PEX5L: variants seen among roughly 807,000 people sequenced by gnomAD.
The protein encoded by PEX5L is PEX5-related protein.
PEX5L carries 30 observed loss-of-function variants against 84.0 expected under a neutral mutation model. The observed-to-expected ratio is 0.36, with a 90% CI of 0.27 to 0.48. PEX5L has a LOEUF of 0.48. PEX5L is among the 20% of genes least tolerant of loss of function. PEX5L has a pLI of 0.99. For missense variants in PEX5L, 533 were observed against 754.6 expected (o/e 0.71, Z 3.44); for synonymous variants, 270 against 283.1 (o/e 0.95, Z 0.46).
intron 1 of PEX5L, among the ~76,000 whole-genome samples, chr3:180,003,364 T>C (rs1300471375): frequency 6.6e-6 from 1 of 151,530 alleles, no homozygotes; most frequent in African/African-American, 2.4e-5. Context: ...GTCTAATTTA[T>C]GTGGGCTCAG....
intron 8 of PEX5L, among the ~76,000 whole-genome samples, chr3:179,834,762 A>G (rs542320021): frequency 1.7e-4 from 26 of 152,336 alleles, no homozygotes; most frequent in African/African-American, 6.0e-4. Context: ...TTATCTTAGA[A>G]TGATTGGAAA....
chr3:179,795,796 T>C lies in PEX5L; in HGVS notation c.*6032A>G, dbSNP rs978283836. The C allele has an allele frequency of 1.3e-5, 2 of 152,212 alleles. No homozygotes were observed. Among genetic ancestry groups the C allele is most frequent in the East Asian group, 3.8e-4 (2 of 5,206 alleles). 9.4% of individuals were successfully genotyped at this position (152,212 alleles called of 1,614,324 possible). A position where few individuals can be genotyped will look rare whatever the true frequency, so the allele number is the denominator to read the frequency against. On this transcript the variant is annotated 3_prime_UTR_variant, in exon 15 of 15. Coordinates refer to ENST00000467460, the MANE Select transcript of PEX5L (RefSeq NM_016559.3). Reference sequence around the variant, plus strand: ...AGATTAGAGATGCAATATTCATAGATATATAAAATATGTAGAAATGTCTTT... The same window carrying C: ...AGATTAGAGATGCAATATTCATAGACATATAAAATATGTAGAAATGTCTTT...
At chr3:179,846,995 A>G (rs190898004) in intron 8 of PEX5L, among the ~76,000 whole-genome samples, 1 of 151,696 alleles carries the variant, frequency 6.6e-6, no homozygotes, top group Admixed American at 6.6e-5. Flanking sequence ...ATGGAGATAT[A>G]TATAGAGATC....
At chr3:179,897,091 A>C (rs62291649) in intron 3 of PEX5L, among the ~76,000 whole-genome samples, 13,504 of 152,164 alleles carry the variant, frequency 0.089, 821 homozygotes, top group Non-Finnish European at 0.14. Context: ...CATAGTATTT[A>C]GAATAAAGTA....
At chr3:179,813,810 G>A (rs1361572682) in intron 10 of PEX5L, among the ~76,000 whole-genome samples, 1 of 151,900 alleles carries the variant, frequency 6.6e-6, no homozygotes, top group Non-Finnish European at 1.5e-5. Context: ...CCGAGTAGCT[G>A]GGACTACAGG....
At chr3:179,893,939 GT>G (rs1045608397) in intron 3 of PEX5L, among the ~76,000 whole-genome samples, 2 of 151,314 alleles carry the variant, frequency 1.3e-5, no homozygotes, top group Non-Finnish European at 2.9e-5. Context: ...TTGTGATATG[GT>G]TTTTTTTGAG....
chr3:179,898,005 T>A, intron 3 of PEX5L, 137 bp downstream of exon 3: 1 of 489,776 alleles, frequency 2.0e-6, no homozygotes, highest in East Asian at 3.1e-5. Flanking sequence ...CATCTATATT[T>A]GTATAATTGT....
At chr3:179,907,215 A>G (rs1259860446) in intron 2 of PEX5L, among the ~76,000 whole-genome samples, 1 of 152,122 alleles carries the variant, frequency 6.6e-6, no homozygotes, top group Non-Finnish European at 1.5e-5. Flanking sequence ...ACCAAATTAA[A>G]AAAAAAAGTC....
chr3:179,812,003 G>A, intron 10 of PEX5L, 132 bp from the exon 11 acceptor site: 1 of 684,070 alleles, frequency 1.5e-6, no homozygotes, highest in African/African-American at 1.8e-5. Context: ...ATATAAAAGG[G>A]AAAAATATTG....
intron 2 of PEX5L, among the ~76,000 whole-genome samples, chr3:179,907,207 C>G (rs1271029434): frequency 6.6e-6 from 1 of 150,534 alleles, no homozygotes; most frequent in East Asian, 1.9e-4. Flanking sequence ...ATATATATAC[C>G]AAATTAAAAA....
At chr3:179,879,005 T>C (rs917132320) in intron 5 of PEX5L, among the ~76,000 whole-genome samples, 1 of 152,254 alleles carries the variant, frequency 6.6e-6, no homozygotes, top group African/African-American at 2.4e-5. Context: ...ATTTAACATG[T>C]ACATATCATA....
intron 13 of PEX5L, 75 bp from the exon 14 acceptor site, chr3:179,807,906 G>C: frequency 1.5e-6 from 2 of 1,364,558 alleles, no homozygotes; most frequent in Non-Finnish European, 2.0e-6. Flanking sequence ...TTTCTCTGCA[G>C]AGAAAGGAAG....
intron 4 of PEX5L, among the ~76,000 whole-genome samples, chr3:179,884,304 G>A (rs916044483): frequency 6.6e-6 from 1 of 152,160 alleles, no homozygotes; most frequent in Non-Finnish European, 1.5e-5. Flanking sequence ...ATCCCTGTGG[G>A]CCCAATGTAA....
At chr3:179,848,930 G>T (rs1740699712) in intron 8 of PEX5L, among the ~76,000 whole-genome samples, 1 of 152,172 alleles carries the variant, frequency 6.6e-6, no homozygotes, top group South Asian at 2.1e-4. Flanking sequence ...TCCCTGCATA[G>T]AATGGAGCAA....
At position 179,797,603 on chromosome 3, in the gene PEX5L, A is replaced by ATATATATATATATAT. The variant is rs1431315600; in HGVS notation, c.*4224_*4225insATATATATATATATA. The ATATATATATATATAT allele has an allele frequency of 9.1e-5, 10 of 109,868 alleles. No individual in the cohort carries two copies. Among genetic ancestry groups the ATATATATATATATAT allele is most frequent in the African/African-American group, 2.8e-4 (8 of 28,436 alleles). 6.8% of individuals were successfully genotyped at this position (109,868 alleles called of 1,614,324 possible). On this transcript the variant is annotated 3_prime_UTR_variant, in exon 15 of 15. Transcript: ENST00000467460. ...TGAACACTCTTTAAAAAAAAAAAAA[A>ATATATATATATATAT]AAATATATATATATATATATATATA...
chr3:179,946,782 C>T (rs1777663994), intron 2 of PEX5L, among the ~76,000 whole-genome samples: 1 of 152,240 alleles, frequency 6.6e-6, no homozygotes. Context: ...TCATTAATAA[C>T]AGCACACAGC....
intron 1 of PEX5L, among the ~76,000 whole-genome samples, chr3:179,991,575 G>GAGA (rs1211676835): frequency 6.6e-6 from 1 of 152,006 alleles, no homozygotes; most frequent in Non-Finnish European, 1.5e-5. Context: ...TATTTTTTAG[G>GAGA]AGAAAGCATT....
At chr3:180,026,917 A>G (rs775067323) in intron 1 of PEX5L, among the ~76,000 whole-genome samples, 1 of 151,958 alleles carries the variant, frequency 6.6e-6, no homozygotes, top group Non-Finnish European at 1.5e-5. Context: ...CCACACTCTC[A>G]GTCTTGGTGA....
In PEX5L at chr3:179,874,442, G is replaced by A; in HGVS notation, c.630-19C>T. On this transcript the variant is annotated intron_variant, in intron 6 of 14. Transcript: ENST00000467460. The stretch of plus-strand genomic sequence containing the variant: ...TGAGGACCTATAAGGGATGCATTAA[G>A]GAAATTAAACGTACACTAGAAACAA... 1 of 1,348,534 alleles carries A rather than the reference G, an allele frequency of 7.4e-7. No homozygotes were observed. The highest frequency in any genetic ancestry group is 1.2e-5 in the South Asian group (1 of 80,060). 83.5% of individuals were successfully genotyped at this position (1,348,534 alleles called of 1,614,324 possible). A position where few individuals can be genotyped will look rare whatever the true frequency, so the allele number is the denominator to read the frequency against.
Sources: gnomAD v4.1 joint callset for allele counts (sites outside exome capture counted in the v4.1 genomes callset) on GRCh38, gnomAD v4.1.1 for gene constraint, MANE v1.5 for transcripts, NCBI Gene and HGNC (gene_info 2026-07-23, HGNC 2026-07-21) for gene names.